The following TAFA1 variants were observed in gnomAD, a reference collection of about 807,000 sequenced individuals.
TAFA1 encodes the protein TAFA chemokine like family member 1, also known as chemokine-like protein TAFA-1.
A neutral mutation model predicts 18.5 loss-of-function variants in TAFA1; 4 were observed. The ratio of observed to expected loss-of-function variants is 0.22; its 90% CI spans 0.11 to 0.49. The LOEUF is 0.49. Ranked by LOEUF, TAFA1 falls within the 20% of genes least tolerant of loss-of-function variation. The pLI is 0.98. For missense variants in TAFA1, 147 were observed against 169.0 expected (o/e 0.87, Z 0.72); for synonymous variants, 56 against 55.2 (o/e 1.01, Z -0.06).
chr3:68,488,503 A>G (rs968481008), intron 3 of TAFA1, among the ~76,000 whole-genome samples: 1 of 152,148 alleles, frequency 6.6e-6, no homozygotes, highest in African/African-American at 2.4e-5. Flanking sequence ...ATTAACCATC[A>G]CAGTGTACAA....
At chr3:68,381,888 T>C (rs1406202073) in intron 2 of TAFA1, among the ~76,000 whole-genome samples, 2 of 152,210 alleles carry the variant, frequency 1.3e-5, no homozygotes, top group Non-Finnish European at 2.9e-5. Flanking sequence ...GCCCATTCAG[T>C]ATGATATTGG....
Position 68,408,769 on chromosome 3 carries a change from C to G in TAFA1, c.119-8511C>G, listed in dbSNP as rs189472186. 1.5e-4 allele frequency among the ~76,000 whole-genome samples: 23 copies of G among 152,154 alleles called. No homozygotes were observed. In the East Asian group the frequency reaches 4.5e-3, roughly 29 times the overall value. Reference sequence around the variant, plus strand: ...AGCGTGGAGTGCCCAGCCAAACAGGCTAGACAACAAGCCCATAATTCCAGT... The same window carrying G: ...AGCGTGGAGTGCCCAGCCAAACAGGGTAGACAACAAGCCCATAATTCCAGT... On this transcript the variant is annotated intron_variant, in intron 2 of 4. Transcript: ENST00000478136.
At chr3:68,103,902 A>G (rs1237070595) in intron 2 of TAFA1, among the ~76,000 whole-genome samples, 1 of 152,126 alleles carries the variant, frequency 6.6e-6, no homozygotes. Flanking sequence ...CTCGAATCTC[A>G]GAGTTCCTAC....
intron 2 of TAFA1, among the ~76,000 whole-genome samples, chr3:68,179,358 A>G (rs1470676705): frequency 2.0e-5 from 3 of 152,348 alleles, no homozygotes; most frequent in African/African-American, 7.2e-5. Context: ...AACTTAATTT[A>G]AGTGCACAAG....
chr3:68,134,461 T>G (rs942745318), intron 2 of TAFA1, among the ~76,000 whole-genome samples: 2 of 152,194 alleles, frequency 1.3e-5, no homozygotes, highest in Admixed American at 1.3e-4. Flanking sequence ...TGTTAGCCAC[T>G]GACATTTAGA....
chr3:68,411,569 AC>A lies in TAFA1; in HGVS notation c.119-5709del, dbSNP rs527750816. ...AATCAAATATTTGTCATTTAATACT[AC>A]CTTTAGATAGCTGATAATCACCTAA... is the stretch of plus-strand genomic sequence containing the variant. On this transcript the variant is annotated intron_variant, in intron 2 of 4. Coordinates refer to ENST00000478136, the MANE Select transcript of TAFA1 (RefSeq NM_213609.4). Among the ~76,000 whole-genome samples the A allele has an allele frequency of 4.9e-3, 743 of 152,320 alleles. 4 individuals are homozygous for A. The highest frequency in any genetic ancestry group is 0.017 in the African/African-American group (704 of 41,554).
At chr3:68,187,433 A>G (rs994318306) in intron 2 of TAFA1, among the ~76,000 whole-genome samples, 7 of 151,972 alleles carry the variant, frequency 4.6e-5, no homozygotes, top group Non-Finnish European at 8.8e-5. Context: ...AGCTTTGTCT[A>G]TTTTTGAACT....
At chr3:68,389,605 T>A (rs762980082) in intron 2 of TAFA1, among the ~76,000 whole-genome samples, 3 of 152,080 alleles carry the variant, frequency 2.0e-5, no homozygotes, top group East Asian at 1.9e-4. Context: ...CGGTCTGCAG[T>A]TCCCAGCAAC....
intron 2 of TAFA1, among the ~76,000 whole-genome samples, chr3:68,315,003 A>G (rs2068584452): frequency 6.6e-6 from 1 of 151,660 alleles, no homozygotes; most frequent in South Asian, 2.1e-4. Flanking sequence ...CATCAACTAG[A>G]CACAAAATAA....
chr3:68,208,926 A>G (rs1344781704), intron 2 of TAFA1, among the ~76,000 whole-genome samples: 1 of 151,966 alleles, frequency 6.6e-6, no homozygotes, highest in Non-Finnish European at 1.5e-5. Context: ...GTGTAATGGA[A>G]GAGACAAAAT....
intron 2 of TAFA1, among the ~76,000 whole-genome samples, chr3:68,194,152 C>A (rs1006100745): frequency 1.3e-5 from 2 of 151,572 alleles, no homozygotes; most frequent in Non-Finnish European, 3.0e-5. Context: ...GTCATTTCTG[C>A]CCACTGATCA....
chr3:68,284,425 C>G (rs764856054), intron 2 of TAFA1, among the ~76,000 whole-genome samples: 4 of 152,140 alleles, frequency 2.6e-5, no homozygotes, highest in Non-Finnish European at 4.4e-5. Context: ...TTAAAAAAAA[C>G]TTTTTGGCAA....
chr3:68,492,981 A>AT (rs1253352627), intron 3 of TAFA1, among the ~76,000 whole-genome samples: 1 of 152,104 alleles, frequency 6.6e-6, no homozygotes, highest in East Asian at 1.9e-4. Flanking sequence ...CTTTTTTCTT[A>AT]TTTTTTATTG....
intron 3 of TAFA1, among the ~76,000 whole-genome samples, chr3:68,447,683 C>G (rs566609530): frequency 6.6e-6 from 1 of 152,282 alleles, no homozygotes; most frequent in African/African-American, 2.4e-5. Flanking sequence ...AGGAAGCAAA[C>G]CCAGACTCAT....
At chr3:68,499,608 G>A (rs774198348) in intron 3 of TAFA1, among the ~76,000 whole-genome samples, 1 of 151,836 alleles carries the variant, frequency 6.6e-6, no homozygotes, top group Non-Finnish European at 1.5e-5. Flanking sequence ...GCCAGGCTGT[G>A]AGCCAGTGTG....
At chr3:68,114,880 C>T (rs908067650) in intron 2 of TAFA1, among the ~76,000 whole-genome samples, 10 of 152,132 alleles carry the variant, frequency 6.6e-5, no homozygotes, top group South Asian at 4.1e-4. Context: ...GGAAAAATTA[C>T]AGTTAATTTT....
At chr3:68,400,752 C>T (rs1196227678) in intron 2 of TAFA1, among the ~76,000 whole-genome samples, 1 of 152,086 alleles carries the variant, frequency 6.6e-6, no homozygotes, top group African/African-American at 2.4e-5. Flanking sequence ...CTAATTAATT[C>T]CTAACTACAC....
At position 68,266,973 on chromosome 3, in the gene TAFA1, A is replaced by G. The variant is rs570145485; in HGVS notation, c.119-150307A>G. 9.3e-4 allele frequency among the ~76,000 whole-genome samples: 142 copies of G among 152,092 alleles called. 1 individual carries two copies. The highest frequency in any genetic ancestry group is 3.4e-3 in the African/African-American group (139 of 41,490). ...GTGGACTCCAGTTTCTCCTATGAATATTGCCAAAGGTACAGGGGGCTTTGG... is the reference window on the plus strand; with the variant it reads ...GTGGACTCCAGTTTCTCCTATGAATGTTGCCAAAGGTACAGGGGGCTTTGG... On this transcript the variant is annotated intron_variant, in intron 2 of 4. Transcript: ENST00000478136.
At chr3:68,140,588 T>C (rs1233862499) in intron 2 of TAFA1, among the ~76,000 whole-genome samples, 1 of 152,192 alleles carries the variant, frequency 6.6e-6, no homozygotes, top group African/African-American at 2.4e-5. Flanking sequence ...GCCACTTACT[T>C]GACTTCCAAC....
Sources: allele counts gnomAD v4.1 joint callset (sites outside exome capture counted in the v4.1 genomes callset), GRCh38; gene constraint gnomAD v4.1.1; transcripts MANE v1.5; gene names NCBI Gene and HGNC (gene_info 2026-07-23, HGNC 2026-07-21).